GRM7: variants seen among roughly 807,000 people sequenced by gnomAD.
The protein encoded by GRM7 is glutamate metabotropic receptor 7.
In GRM7, 35 loss-of-function variants were observed where a neutral mutation model predicts 84.5. That is an observed-to-expected ratio of 0.41 (90% CI 0.32 to 0.55). The LOEUF (loss-of-function observed/expected upper bound fraction) is 0.55. Among genes scored for constraint, GRM7 ranks in the 20% least tolerant of loss-of-function variants. The pLI is 0.19. For synonymous variants in GRM7, 487 were observed against 455.1 expected (o/e 1.07, Z -0.89); for missense variants, 1,003 against 1,194.6 (o/e 0.84, Z 2.36).
At chr3:7,448,178 A>T (rs779759) in intron 5 of GRM7, among the ~76,000 whole-genome samples, 120,697 of 150,424 alleles carry the variant, frequency 0.8, 48,974 homozygotes, top group Non-Finnish European at 0.86. Flanking sequence ...GTTCCAAGTC[A>T]TTGCTATTGT....
chr3:7,572,319 T>C (rs1694705477), intron 7 of GRM7, among the ~76,000 whole-genome samples: 1 of 152,162 alleles, frequency 6.6e-6, no homozygotes, highest in Non-Finnish European at 1.5e-5. Flanking sequence ...TTAATTTATC[T>C]GGGGTGTGGT....
chr3:7,001,621 G>A (rs1466153665), intron 1 of GRM7, among the ~76,000 whole-genome samples: 1 of 152,134 alleles, frequency 6.6e-6, no homozygotes, highest in Non-Finnish European at 1.5e-5. Flanking sequence ...AAAACAGCAA[G>A]TTACAGATAA....
At chr3:7,509,015 T>A (rs1455744471) in intron 7 of GRM7, among the ~76,000 whole-genome samples, 1 of 152,164 alleles carries the variant, frequency 6.6e-6, no homozygotes, top group East Asian at 1.9e-4. Context: ...ATAATAAGTT[T>A]TAAGTTGCAC....
intron 7 of GRM7, among the ~76,000 whole-genome samples, chr3:7,539,288 C>T (rs1237574136): frequency 9.2e-5 from 14 of 152,148 alleles, no homozygotes; most frequent in Non-Finnish European, 2.9e-5. Flanking sequence ...GTCACGAGAA[C>T]AGCGTGCGTA....
At chr3:7,635,117 T>A (rs571556445) in intron 8 of GRM7, among the ~76,000 whole-genome samples, 1 of 152,288 alleles carries the variant, frequency 6.6e-6, no homozygotes, top group Admixed American at 6.5e-5. Flanking sequence ...AAGAATGAGG[T>A]ACTTAATTTT....
chr3:7,277,159 A>G (rs541576592), intron 2 of GRM7, among the ~76,000 whole-genome samples: 1 of 152,026 alleles, frequency 6.6e-6, no homozygotes, highest in Non-Finnish European at 1.5e-5. Flanking sequence ...CCTGGAGTCC[A>G]ATTTTAACCT....
intron 4 of GRM7, among the ~76,000 whole-genome samples, chr3:7,409,777 T>C (rs1559301882): frequency 6.6e-6 from 1 of 151,810 alleles, no homozygotes; most frequent in African/African-American, 2.4e-5. Context: ...ATTTTTTGTA[T>C]TTTTAGTAGA....
rs35751915 is a variant in GRM7, at chr3:6,955,841, CA to C, written c.519+93948del. ...TGGACGACACAGTGAGACTCTATCT[CA>C]AAAAAAAAAAAAATAGAATGACATT... On this transcript the variant is annotated intron_variant, in intron 1 of 9. Transcript: ENST00000357716. Among the ~76,000 whole-genome samples the C allele has an allele frequency of 1.5e-3, 205 of 141,230 alleles. 1 individual carries two copies. The highest frequency in any genetic ancestry group is 2.0e-3 in the Non-Finnish European group (132 of 65,052). 92.7% of individuals were successfully genotyped at this position (141,230 alleles called of 152,430 possible).
At chr3:7,078,213 A>T (rs949596751) in intron 1 of GRM7, among the ~76,000 whole-genome samples, 1 of 152,166 alleles carries the variant, frequency 6.6e-6, no homozygotes, top group Non-Finnish European at 1.5e-5. Context: ...CCTAGGCTTG[A>T]TTTCCTCAGT....
intron 7 of GRM7, among the ~76,000 whole-genome samples, chr3:7,472,657 G>A (rs1010467714): frequency 6.6e-6 from 1 of 152,170 alleles, no homozygotes; most frequent in Non-Finnish European, 1.5e-5. Flanking sequence ...TCCCAAGAGG[G>A]TAGTGAGAGA....
At chr3:7,021,870 G>T (rs769065584) in intron 1 of GRM7, among the ~76,000 whole-genome samples, 5 of 152,154 alleles carry the variant, frequency 3.3e-5, no homozygotes, top group African/African-American at 4.8e-5. Context: ...GGCATTTGTT[G>T]TTTCAGTAGC....
rs531313695 is a variant in GRM7, at chr3:6,875,430, C to T, written c.519+13523C>T. Among the ~76,000 whole-genome samples the T allele has an allele frequency of 9.9e-5, 15 of 152,182 alleles. No homozygotes were observed. The South Asian group carries it at 2.1e-3, about 21-fold the overall frequency. ...TTCTCTTGGTAGAGAATAAGTCTCA[C>T]GAGATCTGATGGTTTTATAAACGAG... On this transcript the variant is annotated intron_variant, in intron 1 of 9. Transcript: ENST00000357716.
chr3:7,726,645 A>AGGT (rs1702142822), intron 9 of GRM7, among the ~76,000 whole-genome samples: 1 of 111,378 alleles, frequency 9.0e-6, no homozygotes, highest in Admixed American at 9.4e-5. Context: ...ATATATATAT[A>AGGT]TATATATATA....
At chr3:7,128,200 A>C (rs1264231827) in intron 1 of GRM7, among the ~76,000 whole-genome samples, 1 of 151,954 alleles carries the variant, frequency 6.6e-6, no homozygotes, top group Non-Finnish European at 1.5e-5. Context: ...TGATTCCTAC[A>C]CTTGTTTTTC....
At chr3:6,977,654 A>G (rs1377346341) in intron 1 of GRM7, among the ~76,000 whole-genome samples, 2 of 152,114 alleles carry the variant, frequency 1.3e-5, no homozygotes, top group African/African-American at 4.8e-5. Flanking sequence ...TATCCCTTAT[A>G]ATGTGGATCA....
intron 5 of GRM7, among the ~76,000 whole-genome samples, chr3:7,442,043 A>G (rs1228618687): frequency 6.6e-6 from 1 of 152,060 alleles, no homozygotes; most frequent in Non-Finnish European, 1.5e-5. Context: ...TTGGGTAGAA[A>G]TAGCATTTAA....
At chr3:7,553,349 C>T (rs1307888551) in intron 7 of GRM7, among the ~76,000 whole-genome samples, 2 of 152,216 alleles carry the variant, frequency 1.3e-5, no homozygotes, top group Admixed American at 1.3e-4. Flanking sequence ...CCCACATTTT[C>T]CTATCTTCTC....
At position 7,655,018 on chromosome 3, in the gene GRM7, C is replaced by T. The variant is rs573390725; in HGVS notation, c.2452-25031C>T. Among the ~76,000 whole-genome samples the T allele has an allele frequency of 9.9e-5, 15 of 152,268 alleles. 1 individual carries two copies. The East Asian group carries it at 2.1e-3, about 22-fold the overall frequency. On this transcript the variant is annotated intron_variant, in intron 8 of 9. Coordinates refer to ENST00000357716, the MANE Select transcript of GRM7 (RefSeq NM_000844.4). ...TCTCTTAACGGTGTCCTCAATTGTC[C>T]GTGGTTCTAGTTCTGTGAACAGACC... is the stretch of plus-strand genomic sequence containing the variant.
At chr3:7,404,716 C>T (rs1046547305) in intron 4 of GRM7, among the ~76,000 whole-genome samples, 4 of 151,850 alleles carry the variant, frequency 2.6e-5, no homozygotes, top group Admixed American at 2.6e-4. Flanking sequence ...AGATCTTGTC[C>T]ATCTCTTCCA....
Sources: gnomAD v4.1 joint callset for allele counts (sites outside exome capture counted in the v4.1 genomes callset) on GRCh38, gnomAD v4.1.1 for gene constraint, MANE v1.5 for transcripts, NCBI Gene and HGNC (gene_info 2026-07-23, HGNC 2026-07-21) for gene names.